Variants in BNC2 observed in about 807,000 individuals in gnomAD.
The protein encoded by BNC2 is basonuclin zinc finger protein 2.
A neutral mutation model predicts 76.3 loss-of-function variants in BNC2; 20 were observed. That is an observed-to-expected ratio of 0.26 (90% CI 0.18 to 0.38). BNC2 has a LOEUF of 0.38. Among genes scored for constraint, BNC2 ranks in the 10% least tolerant of loss-of-function variants. The pLI, the probability that BNC2 is intolerant of heterozygous loss-of-function variation, is 1.00. For missense variants in BNC2, 1,382 were observed against 1,399.8 expected, an observed-to-expected ratio of 0.99 and a Z score of 0.20; for synonymous variants, 582 against 514.8, an observed-to-expected ratio of 1.13 and a Z score of -1.77.
chr9:16,517,520 G>T (rs776542522), intron 5 of BNC2, among the ~76,000 whole-genome samples: 1 of 152,110 alleles, frequency 6.6e-6, no homozygotes. Context: ...GGGGCAGTGG[G>T]AGGGTAATTC....
At chr9:16,453,338 C>A (rs1269566580) in intron 5 of BNC2, among the ~76,000 whole-genome samples, 6 of 152,186 alleles carry the variant, frequency 3.9e-5, no homozygotes, top group African/African-American at 7.2e-5. Flanking sequence ...GAGCCCTCCA[C>A]TGAGATGCTC....
intron 1 of BNC2, among the ~76,000 whole-genome samples, chr9:16,829,732 C>A (rs569809462): frequency 1.3e-5 from 2 of 152,014 alleles, no homozygotes; most frequent in South Asian, 2.1e-4. Context: ...TTTTAATGTA[C>A]AAAATTCAAC....
intron 5 of BNC2, among the ~76,000 whole-genome samples, chr9:16,492,464 C>G (rs938674271): frequency 6.6e-6 from 1 of 152,160 alleles, no homozygotes; most frequent in African/African-American, 2.4e-5. Flanking sequence ...TTCACCACTT[C>G]AACTGATTAA....
chr9:16,847,878 G>A (rs1819026812), intron 1 of BNC2, among the ~76,000 whole-genome samples: 1 of 152,136 alleles, frequency 6.6e-6, no homozygotes, highest in African/African-American at 2.4e-5. Flanking sequence ...CTCATATGAA[G>A]CATGAATTCA....
chr9:16,553,532 C>T (rs181412292), intron 4 of BNC2, among the ~76,000 whole-genome samples: 2 of 152,082 alleles, frequency 1.3e-5, no homozygotes, highest in Non-Finnish European at 2.9e-5. Context: ...GTTAATAGCT[C>T]TAAGGGTACA....
At chr9:16,709,638 G>C (rs1315650817) in intron 3 of BNC2, among the ~76,000 whole-genome samples, 4 of 152,152 alleles carry the variant, frequency 2.6e-5, no homozygotes. Context: ...CAAATTCTTG[G>C]AATTGTTTCC....
chr9:16,818,567 T>G (rs774735029), intron 1 of BNC2, among the ~76,000 whole-genome samples: 18 of 152,156 alleles, frequency 1.2e-4, no homozygotes, highest in Non-Finnish European at 1.9e-4. Flanking sequence ...TAATAAATGG[T>G]CAAAAAGTGA....
intron 1 of BNC2, among the ~76,000 whole-genome samples, chr9:16,835,147 A>G (rs976165225): frequency 2.6e-5 from 4 of 152,242 alleles, no homozygotes; most frequent in African/African-American, 9.6e-5. Context: ...AACAATTCAT[A>G]CAGATGAGAT....
intron 3 of BNC2, among the ~76,000 whole-genome samples, chr9:16,682,271 C>T (rs1339045216): frequency 9.1e-6 from 1 of 109,514 alleles, no homozygotes; most frequent in Non-Finnish European, 1.7e-5. Context: ...AGTTTCAAGA[C>T]ACCCTATACA....
chr9:16,737,848 C>A (rs1023652836), intron 2 of BNC2, among the ~76,000 whole-genome samples: 1 of 151,932 alleles, frequency 6.6e-6, no homozygotes, highest in Non-Finnish European at 1.5e-5. Context: ...CTAAGGGACA[C>A]TTTTGGGGTT....
intron 1 of BNC2, among the ~76,000 whole-genome samples, chr9:16,802,773 C>G (rs1817814837): frequency 6.6e-6 from 1 of 152,160 alleles, no homozygotes; most frequent in Non-Finnish European, 1.5e-5. Flanking sequence ...CATTTTCAGA[C>G]CTAGAGATTC....
chr9:16,478,345 A>G (rs924644003), intron 5 of BNC2, among the ~76,000 whole-genome samples: 3 of 152,102 alleles, frequency 2.0e-5, no homozygotes, highest in Admixed American at 2.0e-4. Flanking sequence ...CAATTGCTCA[A>G]TGCTCCTCAT....
In BNC2 at chr9:16,435,929, A is replaced by C. The variant is rs768780539; in HGVS notation, c.2265T>G (p.Asn755Lys). 1.5e-5 allele frequency: 25 copies of C among 1,613,934 alleles called. No individual in the cohort carries two copies. Among genetic ancestry groups the C allele is most frequent in the Non-Finnish European group, 2.1e-5 (25 of 1,180,006 alleles). The change falls in exon 6 of 7, where the codon AAT becomes AAG. Residue 755 changes from asparagine (N) to lysine (K), a missense_variant. By Grantham distance (94) the Asn-to-Lys change is moderately conservative. Around this residue, in one of 3 missense-constraint regions of BNC2, gnomAD observed 798 missense variants for 775.5 expected, o/e 1.03. Coordinates refer to ENST00000380672, the MANE Select transcript of BNC2 (RefSeq NM_017637.6). ...HSEVSEKVLM[N>K]SERPDENHSE... ...TGTGGTTCTCATCAGGCCTCTCACTATTCATCAGGACTTTTTCACTCACTT... is the reference window on the plus strand; with the variant it reads ...TGTGGTTCTCATCAGGCCTCTCACTCTTCATCAGGACTTTTTCACTCACTT...
intron 6 of BNC2, among the ~76,000 whole-genome samples, chr9:16,432,450 C>T (rs560249503): frequency 3.3e-5 from 5 of 152,208 alleles, no homozygotes; most frequent in Non-Finnish European, 7.4e-5. Flanking sequence ...ACTAACATGC[C>T]TATCTGGAGA....
chr9:16,562,841 T>G (rs1163942507), intron 4 of BNC2, among the ~76,000 whole-genome samples: 2 of 152,190 alleles, frequency 1.3e-5, no homozygotes, highest in Non-Finnish European at 2.9e-5. Flanking sequence ...TACTTCTCAT[T>G]TCATAAATAA....
At chr9:16,668,415 C>G (rs549768901) in intron 3 of BNC2, among the ~76,000 whole-genome samples, 1 of 152,314 alleles carries the variant, frequency 6.6e-6, no homozygotes, top group South Asian at 2.1e-4. Flanking sequence ...TTCCACCAAA[C>G]AATGCAGTCA....
chr9:16,493,796 A>T (rs779933035), intron 5 of BNC2, among the ~76,000 whole-genome samples: 5 of 152,212 alleles, frequency 3.3e-5, no homozygotes, highest in Admixed American at 6.5e-5. Flanking sequence ...ATGCCTGAAG[A>T]GCCAAACAGG....
intron 1 of BNC2, 150 bp from the exon 2 acceptor site, chr9:16,738,635 T>G: frequency 1.2e-6 from 1 of 867,730 alleles, no homozygotes; most frequent in Non-Finnish European, 1.8e-6. Flanking sequence ...CTAAGGCTGA[T>G]AGTAGCCAAC....
intron 3 of BNC2, among the ~76,000 whole-genome samples, chr9:16,680,860 C>T (rs1822802633): frequency 6.6e-6 from 1 of 152,084 alleles, no homozygotes; most frequent in Non-Finnish European, 1.5e-5. Flanking sequence ...TGTACTTTCT[C>T]TTTTTTAAGC....
Sources: allele counts gnomAD v4.1 joint callset (sites outside exome capture counted in the v4.1 genomes callset), GRCh38; gene constraint gnomAD v4.1.1; regional missense constraint gnomAD v4.1.1; transcripts MANE v1.5; gene names NCBI Gene and HGNC (gene_info 2026-07-23, HGNC 2026-07-21).